Variants in SLC25A27 observed in about 807,000 individuals in gnomAD.
The protein encoded by SLC25A27 is mitochondrial uncoupling protein 4.
SLC25A27 carries 35 observed loss-of-function variants against 49.1 expected under a neutral mutation model. The ratio of observed to expected loss-of-function variants is 0.71; its 90% CI spans 0.54 to 0.95. The LOEUF (loss-of-function observed/expected upper bound fraction) is 0.95. Ranked by LOEUF, SLC25A27 falls within the 40% of genes least tolerant of loss-of-function variation. The probability of loss-of-function intolerance (pLI) is 0.00; values close to 1 mark genes in which losing one functional copy is unlikely to be tolerated. For synonymous variants in SLC25A27, 144 were observed against 136.9 expected, an observed-to-expected ratio of 1.05 and a Z score of -0.36; for missense variants, 339 against 397.1, an observed-to-expected ratio of 0.85 and a Z score of 1.24.
At chr6:46,671,710 G>A (rs145776166) in intron 8 of SLC25A27, among the ~76,000 whole-genome samples, 1 of 151,870 alleles carries the variant, frequency 6.6e-6, no homozygotes, top group South Asian at 2.1e-4. Flanking sequence ...ATTTGGTTTA[G>A]ATGTTATTTT....
chr6:46,671,518 CATTT>C (rs1362556364), intron 8 of SLC25A27, among the ~76,000 whole-genome samples: 2 of 151,680 alleles, frequency 1.3e-5, no homozygotes, highest in Non-Finnish European at 2.9e-5. Context: ...TTTAGTATTT[CATTT>C]AGTCATATTT....
Position 46,676,613 on chromosome 6 carries a change from C to T in SLC25A27, c.*159C>T. The T allele has an allele frequency of 6.4e-7, 1 of 1,552,448 alleles. No individual in the cohort carries two copies. Reference sequence around the variant, plus strand: ...AGCACTTTATTTTTTTCTGGAAACCCAAGTTCTCTTTGACTCCTCTTTTTG... The same window carrying T: ...AGCACTTTATTTTTTTCTGGAAACCTAAGTTCTCTTTGACTCCTCTTTTTG... On this transcript the variant is annotated 3_prime_UTR_variant, in exon 9 of 9. Transcript: ENST00000371347.
rs1763859330 is a variant in SLC25A27 at position 46,678,023 on chromosome 6, T to TA, written c.*1573dup. The TA allele has an allele frequency of 1.6e-5, 2 of 128,512 alleles. No individual in the cohort carries two copies. Among genetic ancestry groups the TA allele is most frequent in the Non-Finnish European group, 3.3e-5 (2 of 61,370 alleles). The allele number at this position is 128,512 out of a possible 1,614,324, so 8.0% of individuals were successfully genotyped here. ...AATTTGTCAATATGTAATTGCGTTG[T>TA]AAAATATTATATATATATATATATA... On this transcript the variant is annotated 3_prime_UTR_variant, in exon 9 of 9. Transcript: ENST00000371347.
rs1233667059 is a variant in SLC25A27, at chr6:46,653,030, T to G, written c.-163T>G. On this transcript the variant is annotated 5_prime_UTR_variant, in exon 1 of 9. Coordinates refer to ENST00000371347, the MANE Select transcript of SLC25A27 (RefSeq NM_004277.5). ...GCTGGACCACTCCAGCTGGGACTGC[T>G]AGGAAGGTTGCGGGTCCACCCGGCC... 4 of 656,368 alleles carry G rather than the reference T, an allele frequency of 6.1e-6. No individual in the cohort carries two copies. Among genetic ancestry groups the G allele is most frequent in the Non-Finnish European group, 1.1e-5 (4 of 376,134 alleles). The allele number at this position is 656,368 out of a possible 1,614,324, so 40.7% of individuals were successfully genotyped here.
At position 46,664,882 on chromosome 6, in the gene SLC25A27, G is replaced by A; in HGVS notation, c.615G>A (p.Met205Ile). 1 of 1,540,374 alleles carries A rather than the reference G, an allele frequency of 6.5e-7. No individual in the cohort carries two copies. Among genetic ancestry groups the A allele is most frequent in the Non-Finnish European group, 8.8e-7 (1 of 1,133,334 alleles). The change falls in exon 5 of 9, where the codon ATG (methionine) becomes ATA (isoleucine). Residue 205 changes from methionine to isoleucine, a missense_variant. Met to Ile is a conservative substitution (Grantham distance 10). Coordinates refer to ENST00000371347, the MANE Select transcript of SLC25A27 (RefSeq NM_004277.5). Reference sequence around the variant, plus strand: ...TACAAAGAGCAGCACTGGTGAATATGGGAGGTAATGAAAACTTTGTTAAAT... The same window carrying A: ...TACAAAGAGCAGCACTGGTGAATATAGGAGGTAATGAAAACTTTGTTAAAT... The part of the protein sequence containing the change: ...PNIQRAALVN[M>I]GDLTTYDTVK...
At position 46,654,230 on chromosome 6, in the gene SLC25A27, A is replaced by G. The variant is rs972116719; in HGVS notation, c.106+932A>G. On this transcript the variant is annotated intron_variant, in intron 1 of 8. Coordinates refer to ENST00000371347, the MANE Select transcript of SLC25A27 (RefSeq NM_004277.5). Reference sequence around the variant, plus strand: ...TCTTGCCTGTTACAAAAAAATAAAAAGAACAGTTCTGATGCGTTATCATTT... The same window carrying G: ...TCTTGCCTGTTACAAAAAAATAAAAGGAACAGTTCTGATGCGTTATCATTT... 3 of 597,934 alleles carry G rather than the reference A, an allele frequency of 5.0e-6. No homozygotes were observed. In the African/African-American group the frequency reaches 6.0e-5, roughly 12 times the overall value. The allele number at this position is 597,934 out of a possible 1,614,324, so 37.0% of individuals were successfully genotyped here. A position where few individuals can be genotyped will look rare whatever the true frequency, so the allele number is the denominator to read the frequency against.
chr6:46,659,027 G>A lies in SLC25A27; in HGVS notation c.364G>A (p.Asp122Asn), dbSNP rs1763079222. Residue 122 changes from aspartate (D) to asparagine (N), a missense_variant, in exon 3 of 9, where the codon GAT becomes AAT. Transcript: ENST00000371347. ...LREVVFGKSE[D>N]EHYPLWKSVI... ...AGAGGTTGTGTTTGGCAAAAGTGAA[G>A]ATGAGCATTATCCCCTTTGGTAAGT... is the stretch of plus-strand genomic sequence containing the variant. 6.2e-7 allele frequency: 1 copy of A among 1,612,278 alleles called. No individual in the cohort carries two copies. The highest frequency in any genetic ancestry group is 1.3e-5 in the African/African-American group (1 of 74,882).
At chr6:46,657,168 A>G (rs1763012233) in intron 2 of SLC25A27, among the ~76,000 whole-genome samples, 2 of 152,242 alleles carry the variant, frequency 1.3e-5, no homozygotes, top group South Asian at 4.2e-4. Flanking sequence ...CCCATCTCTA[A>G]AAATATTAAA....
At chr6:46,666,255 G>A (rs1450943442) in intron 5 of SLC25A27, among the ~76,000 whole-genome samples, 2 of 152,004 alleles carry the variant, frequency 1.3e-5, no homozygotes, top group African/African-American at 4.8e-5. Context: ...AGCTATTATT[G>A]CTTGTGTCTC....
chr6:46,669,541 TGTAATA>T (rs1286283151), intron 6 of SLC25A27, among the ~76,000 whole-genome samples: 6 of 152,162 alleles, frequency 3.9e-5, no homozygotes, highest in African/African-American at 1.4e-4. Flanking sequence ...ACCCTAAAAG[TGTAATA>T]GTGTCAAGTC....
chr6:46,674,332 C>T (rs1413719328), intron 8 of SLC25A27, among the ~76,000 whole-genome samples: 2 of 152,034 alleles, frequency 1.3e-5, no homozygotes, highest in Non-Finnish European at 2.9e-5. Flanking sequence ...AGAAGCTTGC[C>T]CAAGTTCATG....
intron 4 of SLC25A27, 22 bp downstream of exon 4, chr6:46,662,520 T>C: frequency 6.2e-7 from 1 of 1,611,558 alleles, no homozygotes; most frequent in Non-Finnish European, 8.5e-7. Flanking sequence ...AATTAACCAA[T>C]ACCTCTCTTT....
intron 6 of SLC25A27, 90 bp downstream of exon 6, chr6:46,668,883 G>A (rs1763415477): frequency 1.3e-6 from 1 of 763,958 alleles, no homozygotes; most frequent in African/African-American, 1.8e-5. Flanking sequence ...TCATTTGATT[G>A]GGATTGTACT....
intron 3 of SLC25A27, among the ~76,000 whole-genome samples, chr6:46,660,904 G>A (rs1763140032): frequency 6.6e-6 from 1 of 152,156 alleles, no homozygotes; most frequent in Admixed American, 6.5e-5. Context: ...AGTAAAAAGT[G>A]CAAAGGAAAT....
chr6:46,657,827 T>C (rs759047787), intron 2 of SLC25A27, among the ~76,000 whole-genome samples: 6 of 152,222 alleles, frequency 3.9e-5, no homozygotes, highest in Non-Finnish European at 5.9e-5. Flanking sequence ...CTGGCTGTAG[T>C]GTAAATGCAA....
At chr6:46,655,529 A>G (rs1762941816) in intron 1 of SLC25A27, among the ~76,000 whole-genome samples, 1 of 35,742 alleles carries the variant, frequency 2.8e-5, no homozygotes, top group African/African-American at 1.1e-4. Context: ...TTTATTGTTA[A>G]TGTTTGTTTT....
chr6:46,669,781 A>G lies in SLC25A27; in HGVS notation c.705-354A>G, dbSNP rs1763456190. ...GCCTGTCACCCAGTTGCTCCCTGTC[A>G]CACTTCCCCATGTTTTTTTCATAGC... On this transcript the variant is annotated intron_variant, in intron 6 of 8. Coordinates refer to ENST00000371347, the MANE Select transcript of SLC25A27 (RefSeq NM_004277.5). Among the ~76,000 whole-genome samples, 3 of 151,928 alleles carry G rather than the reference A, an allele frequency of 2.0e-5. No homozygotes were observed. The South Asian group carries it at 6.2e-4, about 32-fold the overall frequency.
intron 8 of SLC25A27, among the ~76,000 whole-genome samples, chr6:46,674,377 A>C (rs930243042): frequency 1.3e-5 from 2 of 152,164 alleles, no homozygotes. Flanking sequence ...AACTGACCTC[A>C]GATCTGTTCC....
intron 4 of SLC25A27, 71 bp from the exon 5 acceptor site, chr6:46,664,703 G>T: frequency 1.4e-6 from 1 of 697,062 alleles, no homozygotes; most frequent in South Asian, 2.6e-5. Context: ...AGCTATAAGT[G>T]AAGCTTATCC....
Sources: allele counts gnomAD v4.1 joint callset (sites outside exome capture counted in the v4.1 genomes callset), GRCh38; gene constraint gnomAD v4.1.1; transcripts MANE v1.5; gene names NCBI Gene and HGNC (gene_info 2026-07-23, HGNC 2026-07-21).